Variants in PHTF2 observed in about 807,000 individuals in gnomAD.
PHTF2 encodes the protein protein PHTF2.
Under a neutral mutation model 101.2 loss-of-function variants are expected in PHTF2, and 60 were observed. That is an observed-to-expected ratio of 0.59 (90% CI 0.48 to 0.73). The LOEUF (loss-of-function observed/expected upper bound fraction) is 0.73, where lower values mean the gene tolerates loss of function less well. Ranked by LOEUF, PHTF2 falls within the 30% of genes least tolerant of loss-of-function variation. The probability of loss-of-function intolerance (pLI) is 0.00; values close to 1 mark genes in which losing one functional copy is unlikely to be tolerated. For missense variants in PHTF2, 747 were observed against 908.7 expected, an observed-to-expected ratio of 0.82 and a Z score of 2.29; for synonymous variants, 311 against 307.3, an observed-to-expected ratio of 1.01 and a Z score of -0.13.
At chr7:77,814,195 G>GT (rs1562834606) in intron 1 of PHTF2, among the ~76,000 whole-genome samples, 1 of 152,078 alleles carries the variant, frequency 6.6e-6, no homozygotes, top group Non-Finnish European at 1.5e-5. Context: ...TTAATATAAG[G>GT]TCGCTGCTAA....
intron 3 of PHTF2, among the ~76,000 whole-genome samples, chr7:77,862,476 G>A (rs567549796): frequency 3.9e-5 from 6 of 152,138 alleles, no homozygotes; most frequent in South Asian, 2.1e-4. Flanking sequence ...TAGTTTTTCC[G>A]TTAAAAGGAA....
chr7:77,843,122 T>C (rs1383092589), intron 2 of PHTF2, among the ~76,000 whole-genome samples: 1 of 152,224 alleles, frequency 6.6e-6, no homozygotes, highest in Non-Finnish European at 1.5e-5. Context: ...GACTATATGA[T>C]TAGGATTTAG....
chr7:77,908,169 T>A (rs991598557), intron 7 of PHTF2, among the ~76,000 whole-genome samples: 1 of 152,166 alleles, frequency 6.6e-6, no homozygotes, highest in Non-Finnish European at 1.5e-5. Flanking sequence ...TACATGTCTA[T>A]CCCTGAGGTG....
intron 3 of PHTF2, among the ~76,000 whole-genome samples, chr7:77,890,737 CTG>C (rs1214056111): frequency 6.7e-6 from 1 of 150,370 alleles, no homozygotes; most frequent in Non-Finnish European, 1.5e-5. Flanking sequence ...TCCCAAGTAA[CTG>C]GGACTACAGA....
At chr7:77,832,477 A>ATG (rs1795146233) in intron 1 of PHTF2, among the ~76,000 whole-genome samples, 1 of 152,248 alleles carries the variant, frequency 6.6e-6, no homozygotes, top group Non-Finnish European at 1.5e-5. Context: ...GCTTAAGGTC[A>ATG]CAAATGATGG....
At chr7:77,935,725 A>G (rs1805065971) in intron 12 of PHTF2, among the ~76,000 whole-genome samples, 1 of 152,182 alleles carries the variant, frequency 6.6e-6, no homozygotes, top group African/African-American at 2.4e-5. Flanking sequence ...TGGTATTGAT[A>G]TTCCTTTCTT....
intron 3 of PHTF2, among the ~76,000 whole-genome samples, chr7:77,867,517 G>T (rs964176060): frequency 6.6e-6 from 1 of 152,078 alleles, no homozygotes; most frequent in African/African-American, 2.4e-5. Flanking sequence ...ACGTGGAAGG[G>T]GTATCAGCAC....
At chr7:77,900,978 C>T (rs1801331251) in intron 6 of PHTF2, among the ~76,000 whole-genome samples, 198 bp downstream of exon 5, 2 of 152,220 alleles carry the variant, frequency 1.3e-5, no homozygotes, top group African/African-American at 4.8e-5. Context: ...CCAGCACCTG[C>T]TTCTGGGGTA....
intron 1 of PHTF2, among the ~76,000 whole-genome samples, chr7:77,828,799 C>T (rs1013788730): frequency 2.6e-5 from 4 of 151,548 alleles, no homozygotes; most frequent in Admixed American, 6.6e-5. Flanking sequence ...ACCCAGGAGG[C>T]GGCAGTTTCA....
intron 1 of PHTF2, among the ~76,000 whole-genome samples, chr7:77,823,595 T>C (rs539808271): frequency 4.6e-5 from 7 of 152,332 alleles, no homozygotes; most frequent in Admixed American, 3.3e-4. Context: ...TTAATTTCCT[T>C]AGAAGGAATT....
chr7:77,809,070 G>A (rs1057004755), intron 1 of PHTF2, among the ~76,000 whole-genome samples: 17 of 152,056 alleles, frequency 1.1e-4, no homozygotes, highest in African/African-American at 4.1e-4. Flanking sequence ...TGTTTAGGGT[G>A]CATAAGCATT....
chr7:77,954,635 T>TAG (rs1806860784), intron 19 of PHTF2, among the ~76,000 whole-genome samples: 3 of 145,460 alleles, frequency 2.1e-5, no homozygotes, highest in South Asian at 2.1e-4. Context: ...TATATATATA[T>TAG]ATATATATAT....
intron 9 of PHTF2, among the ~76,000 whole-genome samples, chr7:77,916,255 C>T (rs1802917092): frequency 6.6e-6 from 1 of 152,116 alleles, no homozygotes; most frequent in African/African-American, 2.4e-5. Context: ...AAATAAGTCT[C>T]TCATCCCCAC....
intron 3 of PHTF2, among the ~76,000 whole-genome samples, chr7:77,863,855 T>C (rs1214624203): frequency 6.7e-6 from 1 of 150,328 alleles, no homozygotes; most frequent in Non-Finnish European, 1.5e-5. Context: ...GGCACGATCA[T>C]GGCTCACTGC....
intron 3 of PHTF2, among the ~76,000 whole-genome samples, chr7:77,881,683 T>C (rs1465449598): frequency 6.6e-6 from 1 of 152,200 alleles, no homozygotes; most frequent in African/African-American, 2.4e-5. Flanking sequence ...ATGGCCTTTT[T>C]TCAAACCTGC....
intron 12 of PHTF2, among the ~76,000 whole-genome samples, chr7:77,932,592 GAGAGAGAGAA>G (rs1244643925): frequency 8.3e-4 from 110 of 133,252 alleles, no homozygotes; most frequent in East Asian, 1.8e-3. Flanking sequence ...GAGGAAGAGA[GAGAGAGAGAA>G]AGAGAGAGAG....
At position 77,942,737 on chromosome 7, in the gene PHTF2, C is replaced by T. The variant is rs1805730359; in HGVS notation, c.1910C>T (p.Ser637Leu). The T allele has an allele frequency of 6.2e-7, 1 of 1,603,202 alleles. No homozygotes were observed. The highest frequency in any genetic ancestry group is 8.5e-7 in the Non-Finnish European group (1 of 1,173,830). The change falls in exon 16 of 20, where the codon TCA becomes TTA. Residue 637 changes from serine (S) to leucine (L), a missense_variant. Coordinates refer to ENST00000416283, the Ensembl canonical transcript of PHTF2. ...CAGCGATCAGTTGATGTAATAGTTT[C>T]ATCTGCTTTCTTATTGACTATCTCA... is the stretch of plus-strand genomic sequence containing the variant.
chr7:77,856,377 A>T (rs1350093754), intron 3 of PHTF2, among the ~76,000 whole-genome samples: 1 of 152,094 alleles, frequency 6.6e-6, no homozygotes, highest in African/African-American at 2.4e-5. Flanking sequence ...ATTTTTAGAG[A>T]CAGTGCCTTG....
intron 12 of PHTF2, among the ~76,000 whole-genome samples, chr7:77,932,500 A>C (rs1053849185): frequency 1.3e-5 from 2 of 151,700 alleles, no homozygotes; most frequent in African/African-American, 4.8e-5. Flanking sequence ...ATACAAGAGG[A>C]GGCTTTTGGA....
Sources: gnomAD v4.1 joint callset for allele counts (sites outside exome capture counted in the v4.1 genomes callset) on GRCh38, gnomAD v4.1.1 for gene constraint, MANE v1.5 for transcripts, NCBI Gene and HGNC (gene_info 2026-07-23, HGNC 2026-07-21) for gene names.